Variants in CRIP2 observed in about 807,000 individuals in gnomAD.
The protein encoded by CRIP2 is cysteine rich protein 2.
CRIP2 carries 31 observed loss-of-function variants against 31.3 expected under a neutral mutation model. The observed-to-expected ratio is 0.99, with a 90% CI of 0.74 to 1.34. The LOEUF (loss-of-function observed/expected upper bound fraction) is 1.34, where lower values mean the gene tolerates loss of function less well. CRIP2 is among the 40% of genes most tolerant of loss of function. CRIP2 has a pLI of 0.00. For missense variants in CRIP2, 389 were observed against 301.6 expected (o/e 1.29, Z -2.15); for synonymous variants, 177 against 127.2 (o/e 1.39, Z -2.63).
upstream of CRIP2, chr14:105,473,468 T>C (rs1162358584): frequency 6.5e-7 from 1 of 1,535,400 alleles, no homozygotes; most frequent in Non-Finnish European, 8.7e-7. Flanking sequence ...CGAGGGCCTC[T>C]GGTTGGCTCA....
chr14:105,474,212 G>A (rs1038243949), upstream of CRIP2: 13 of 153,102 alleles, frequency 8.5e-5, no homozygotes, highest in African/African-American at 3.1e-4. This position sits in a 1 kb window ranked among gnomAD's most constrained non-coding sequence, Gnocchi z 5.1. Context: ...GACAGTGTTG[G>A]GGCGGGGCGC....
Position 105,474,995 on chromosome 14 carries a change from G to A in CRIP2, c.43+90G>A, listed in dbSNP as rs587597401. On this transcript the variant is annotated intron_variant, in intron 1 of 7. Coordinates refer to ENST00000329146, the MANE Select transcript of CRIP2 (RefSeq NM_001312.4). The surrounding 1 kb of genome is among the most constrained non-coding windows in gnomAD (Gnocchi z 5.1). Reference sequence around the variant, plus strand: ...CCGCAGAGCCGCGGCGTAACTCGGGGTGCGCCCGGCCCCGGCCCCGGACCG... The same window carrying A: ...CCGCAGAGCCGCGGCGTAACTCGGGATGCGCCCGGCCCCGGCCCCGGACCG... 1.6e-5 allele frequency: 21 copies of A among 1,313,772 alleles called. No homozygotes were observed. The African/African-American group carries it at 2.7e-4, about 17-fold the overall frequency. The allele number at this position is 1,313,772 out of a possible 1,614,324, so 81.4% of individuals were successfully genotyped here. A position where few individuals can be genotyped will look rare whatever the true frequency, so the allele number is the denominator to read the frequency against.
In CRIP2 at chr14:105,478,301, A is replaced by G. The variant is rs1555436340; in HGVS notation, c.79A>G (p.Lys27Glu). The G allele has an allele frequency of 6.4e-7, 1 of 1,573,384 alleles. No individual in the cohort carries two copies. Reference sequence around the variant, plus strand: ...GAGCTCCCTGGGGAAGGACTGGCACAAGTTCTGCCTCAAGTGCGAGCGCTG... The same window carrying G: ...GAGCTCCCTGGGGAAGGACTGGCACGAGTTCTGCCTCAAGTGCGAGCGCTG... ...KVSSLGKDWH[K>E]FCLKCERCSK... The change falls in exon 2 of 8, where the codon AAG (lysine) becomes GAG (glutamate). Residue 27 changes from lysine to glutamate, a missense_variant. Coordinates refer to ENST00000329146, the MANE Select transcript of CRIP2 (RefSeq NM_001312.4). This position sits in a 1 kb window ranked among gnomAD's most constrained non-coding sequence, Gnocchi z 4.9.
At chr14:105,475,034 C>G (rs1452994094) in intron 1 of CRIP2, 129 bp downstream of exon 1, 2 of 1,101,908 alleles carry the variant, frequency 1.8e-6, no homozygotes, top group South Asian at 2.9e-5. Flanking sequence ...ATGCGCGTCC[C>G]GGAGGCTGGC....
intron 6 of CRIP2, 84 bp from the exon 7 acceptor site, chr14:105,479,352 C>G: frequency 6.3e-7 from 1 of 1,581,178 alleles, no homozygotes; most frequent in Non-Finnish European, 8.6e-7. Flanking sequence ...CCACGGCGAG[C>G]CGGCCTGCAC....
intron 1 of CRIP2, chr14:105,477,489 G>T: frequency 2.0e-6 from 2 of 984,936 alleles, no homozygotes; most frequent in South Asian, 4.7e-5. Flanking sequence ...CTCAGCAGCG[G>T]GGTGCTGCCA....
chr14:105,478,809 A>G lies in CRIP2; in HGVS notation c.275A>G (p.Glu92Gly). The change falls in exon 4 of 8, where the codon GAG becomes GGG. Residue 92 changes from glutamate (E) to glycine (G), a missense_variant. Transcript: ENST00000329146. The surrounding 1 kb of genome is among the most constrained non-coding windows in gnomAD (Gnocchi z 4.9). ...GGGCCGCAGGTCACCGGCCCCATCG[A>G]GGTCCCCGCGGCCCGAGCAGAGGAG... ...AEGPQVTGPI[E>G]VPAARAEERK... The G allele has an allele frequency of 7.0e-7, 1 of 1,430,282 alleles. No individual in the cohort carries two copies. The highest frequency in any genetic ancestry group is 1.5e-5 in the South Asian group (1 of 67,070). The allele number at this position is 1,430,282 out of a possible 1,614,324, so 88.6% of individuals were successfully genotyped here.
rs781839339 is a variant in CRIP2, at chr14:105,478,245, C to T, written c.44-21C>T. On this transcript the variant is annotated intron_variant, in intron 1 of 7. Transcript: ENST00000329146. This position sits in a 1 kb window ranked among gnomAD's most constrained non-coding sequence, Gnocchi z 4.9. ...CGGGGCGCGCCCCGGCCCTGACCCC[C>T]CTGCCGCCCCTCCCGCTCAGCCGAG... 2.6e-6 allele frequency: 4 copies of T among 1,522,822 alleles called. No individual in the cohort carries two copies. The highest frequency in any genetic ancestry group is 2.1e-5 in the Admixed American group (1 of 48,522). 94.3% of individuals were successfully genotyped at this position (1,522,822 alleles called of 1,614,324 possible).
Position 105,478,201 on chromosome 14 carries a change from G to A in CRIP2, c.44-65G>A, listed in dbSNP as rs988861270. 1.5e-6 allele frequency: 2 copies of A among 1,311,032 alleles called. No individual in the cohort carries two copies. Among genetic ancestry groups the A allele is most frequent in the African/African-American group, 3.1e-5 (2 of 63,872 alleles). 81.2% of individuals were successfully genotyped at this position (1,311,032 alleles called of 1,614,324 possible). A position where few individuals can be genotyped will look rare whatever the true frequency, so the allele number is the denominator to read the frequency against. Reference sequence around the variant, plus strand: ...GAGCGCGTGGGGGTGGTGGCTGCCAGGTGGGGGCGGAGGGGGTGCGGGGCG... The same window carrying A: ...GAGCGCGTGGGGGTGGTGGCTGCCAAGTGGGGGCGGAGGGGGTGCGGGGCG... On this transcript the variant is annotated intron_variant, in intron 1 of 7. Transcript: ENST00000329146. This position sits in a 1 kb window ranked among gnomAD's most constrained non-coding sequence, Gnocchi z 4.9.
chr14:105,476,430 G>A, intron 1 of CRIP2: 1 of 985,532 alleles, frequency 1.0e-6, no homozygotes, highest in East Asian at 1.1e-4. Flanking sequence ...TAGAACCCAG[G>A]CTGGGATGTC....
chr14:105,476,420 T>G, intron 1 of CRIP2: 1 of 985,406 alleles, frequency 1.0e-6, no homozygotes, highest in Non-Finnish European at 1.2e-6. Flanking sequence ...CATACCTGAG[T>G]AGAACCCAGG....
chr14:105,475,273 C>G lies in CRIP2; in HGVS notation c.43+368C>G, dbSNP rs1458187489. On this transcript the variant is annotated intron_variant, in intron 1 of 7. Coordinates refer to ENST00000329146, the MANE Select transcript of CRIP2 (RefSeq NM_001312.4). ...GGGCGGGGCAGGGCGTGGCTGTACGCCCCGGGTGCGTCCCGCGCGCTCCCG... is the reference window on the plus strand; with the variant it reads ...GGGCGGGGCAGGGCGTGGCTGTACGGCCCGGGTGCGTCCCGCGCGCTCCCG... 4 of 214,074 alleles carry G rather than the reference C, an allele frequency of 1.9e-5. No individual in the cohort carries two copies. The East Asian group carries it at 2.9e-4, about 15-fold the overall frequency. The allele number at this position is 214,074 out of a possible 1,614,324, so 13.3% of individuals were successfully genotyped here. A position where few individuals can be genotyped will look rare whatever the true frequency, so the allele number is the denominator to read the frequency against.
In CRIP2 at chr14:105,479,975, A is replaced by C. The variant is rs1595459715; in HGVS notation, c.*322A>C. Reference sequence around the variant, plus strand: ...GTCCGCTCTCCCTCTCCTGCTGCCCACCCACCTGCCAGTGTTATTTATGCT... The same window carrying C: ...GTCCGCTCTCCCTCTCCTGCTGCCCCCCCACCTGCCAGTGTTATTTATGCT... On this transcript the variant is annotated 3_prime_UTR_variant, in exon 8 of 8. Coordinates refer to ENST00000329146, the MANE Select transcript of CRIP2 (RefSeq NM_001312.4). 2 of 364,640 alleles carry C rather than the reference A, an allele frequency of 5.5e-6. No homozygotes were observed. The highest frequency in any genetic ancestry group is 1.0e-5 in the Non-Finnish European group (2 of 194,666). The allele number at this position is 364,640 out of a possible 1,614,324, so 22.6% of individuals were successfully genotyped here.
In CRIP2 at chr14:105,479,607, G is replaced by A. The variant is rs1042494382; in HGVS notation, c.581G>A (p.Gly194Asp). 7 of 1,612,576 alleles carry A rather than the reference G, an allele frequency of 4.3e-6. No individual in the cohort carries two copies. The highest frequency in any genetic ancestry group is 5.1e-6 in the Non-Finnish European group (6 of 1,179,942). ...ACAGGAGTGAACACCGGTGCGGTGG[G>A]CAGCTACATCTATGACCGGGACCCC... is the stretch of plus-strand genomic sequence containing the variant. Reference protein sequence around the residue: ...GPKGVNTGAVGSYIYDRDPEG... With the variant: ...GPKGVNTGAVDSYIYDRDPEG... The change falls in exon 8 of 8, where the codon GGC becomes GAC. Residue 194 changes from glycine (G) to aspartate (D), a missense_variant. Physicochemically the swap from Gly to Asp is moderately conservative, Grantham distance 94. Coordinates refer to ENST00000329146, the MANE Select transcript of CRIP2 (RefSeq NM_001312.4).
chr14:105,476,731 C>T (rs2083940066), intron 1 of CRIP2: 3 of 985,546 alleles, frequency 3.0e-6, no homozygotes, highest in Non-Finnish European at 3.6e-6. Flanking sequence ...CAGCCAGCCC[C>T]TGCCTGCCCT....
chr14:105,478,375 G>A lies in CRIP2; in HGVS notation c.138+15G>A. 1 of 1,570,446 alleles carries A rather than the reference G, an allele frequency of 6.4e-7. No homozygotes were observed. Among genetic ancestry groups the A allele is most frequent in the Non-Finnish European group, 8.6e-7 (1 of 1,160,944 alleles). ...GCCACGCCGAGGTGAGCCCCACTGC[G>A]CGGCGCGGGCGGGGGCGGGGGTCGC... On this transcript the variant is annotated intron_variant, in intron 2 of 7. Coordinates refer to ENST00000329146, the MANE Select transcript of CRIP2 (RefSeq NM_001312.4). The surrounding 1 kb of genome is among the most constrained non-coding windows in gnomAD (Gnocchi z 4.9).
At position 105,478,973 on chromosome 14, in the gene CRIP2, C is replaced by A; in HGVS notation, c.338-6C>A. 6.4e-7 allele frequency: 1 copy of A among 1,564,380 alleles called. No individual in the cohort carries two copies. Among genetic ancestry groups the A allele is most frequent in the East Asian group, 2.4e-5 (1 of 41,924 alleles). The stretch of plus-strand genomic sequence containing the variant: ...CCCGCCCCGCCCTGACTCGTGCGCC[C>A]CACAGCCTCCAGTGTCACCACTTTC... On this transcript the variant is annotated splice_region_variant and splice_polypyrimidine_tract_variant and intron_variant, in intron 4 of 7. Transcript: ENST00000329146. The surrounding 1 kb of genome is among the most constrained non-coding windows in gnomAD (Gnocchi z 4.9).
At position 105,478,750 on chromosome 14, in the gene CRIP2, G is replaced by A; in HGVS notation, c.216G>A (p.Ala72=). The change falls in exon 4 of 8, where the codon GCG becomes GCA. Residue 72 remains alanine (A), a synonymous_variant. Coordinates refer to ENST00000329146, the MANE Select transcript of CRIP2 (RefSeq NM_001312.4). The surrounding 1 kb of genome is among the most constrained non-coding windows in gnomAD (Gnocchi z 4.9). ...CCGCAGGCGTGAACATCGGGGGCGC[G>A]GGCTCCTACATCTACGAGAAGCCCC... is the stretch of plus-strand genomic sequence containing the variant. ...FGPKGVNIGG[A]GSYIYEKPLA... The A allele has an allele frequency of 1.4e-6, 2 of 1,431,418 alleles. No homozygotes were observed. The highest frequency in any genetic ancestry group is 1.5e-5 in the South Asian group (1 of 67,546). The allele number at this position is 1,431,418 out of a possible 1,614,324, so 88.7% of individuals were successfully genotyped here.
At chr14:105,473,642 G>A, upstream of CRIP2, 1 of 1,230,298 alleles carries the variant, frequency 8.1e-7, no homozygotes, top group Non-Finnish European at 1.1e-6. Flanking sequence ...GCTCAGCTGG[G>A]GCCAGAAGGC....
Sources: allele counts gnomAD v4.1 joint callset, GRCh38; gene constraint gnomAD v4.1.1; non-coding constraint Gnocchi (gnomAD v3.1); transcripts MANE v1.5; gene names NCBI Gene and HGNC (gene_info 2026-07-23, HGNC 2026-07-21).